FANCD2: variants seen among roughly 807,000 people sequenced by gnomAD.
FANCD2 encodes the protein FA complementation group D2.
A neutral mutation model predicts 192.3 loss-of-function variants in FANCD2; 131 were observed. The ratio of observed to expected loss-of-function variants is 0.68; its 90% CI spans 0.59 to 0.79. The LOEUF (loss-of-function observed/expected upper bound fraction) is 0.79, where lower values mean the gene tolerates loss of function less well. Ranked by LOEUF, FANCD2 falls within the 30% of genes least tolerant of loss-of-function variation. FANCD2 has a pLI of 0.00. For missense variants in FANCD2, 1,508 were observed against 1,701.6 expected, an observed-to-expected ratio of 0.89 and a Z score of 2.00; for synonymous variants, 524 against 612.5, an observed-to-expected ratio of 0.86 and a Z score of 2.13.
intron 17 of FANCD2, among the ~76,000 whole-genome samples, chr3:10,050,978 C>T (rs1324640396): frequency 2.0e-5 from 3 of 151,854 alleles, no homozygotes; most frequent in Non-Finnish European, 2.9e-5. Flanking sequence ...CCCAGCTACT[C>T]GGGAGGCTGA....
intron 2 of FANCD2, among the ~76,000 whole-genome samples, chr3:10,031,394 T>TG (rs1553606631): frequency 4.7e-5 from 7 of 150,134 alleles, no homozygotes; most frequent in South Asian, 2.1e-4. Context: ...TCCCAGCTAC[T>TG]GGGAGGCTGA....
At position 10,062,140 on chromosome 3, in the gene FANCD2, T is replaced by C. The variant is rs2125029476; in HGVS notation, c.1767-11T>C. 1 of 1,605,530 alleles carries C rather than the reference T, an allele frequency of 6.2e-7. No homozygotes were observed. The stretch of plus-strand genomic sequence containing the variant: ...ATAATAATAATTTAAAAAAAAATTC[T>C]TTGTTTTTAGAAGTGAATCACCTAG... On this transcript the variant is annotated splice_polypyrimidine_tract_variant and intron_variant, in intron 19 of 43. Transcript: ENST00000675286.
chr3:10,032,462 G>T (rs1055881722), intron 2 of FANCD2: 1 of 290,168 alleles, frequency 3.4e-6, no homozygotes, highest in Non-Finnish European at 6.6e-6. Context: ...TGTGTGGAGG[G>T]GGGGAATGGG....
At chr3:10,057,469 A>AT (rs2087446836) in intron 18 of FANCD2, among the ~76,000 whole-genome samples, 1 of 151,212 alleles carries the variant, frequency 6.6e-6, no homozygotes, top group African/African-American at 2.4e-5. Flanking sequence ...GGTTCAAGTG[A>AT]TTCTCCTGCC....
intron 17 of FANCD2, among the ~76,000 whole-genome samples, chr3:10,051,125 A>G (rs1207811720): frequency 2.0e-5 from 3 of 151,198 alleles, no homozygotes; most frequent in South Asian, 4.2e-4. Context: ...TCACGCCTGT[A>G]ATCCCAGCAC....
intron 37 of FANCD2, among the ~76,000 whole-genome samples, 194 bp from the exon 38 acceptor site, chr3:10,091,987 T>G (rs1422505590): frequency 6.6e-6 from 1 of 152,218 alleles, no homozygotes; most frequent in Admixed American, 6.5e-5. Context: ...TCTGTCCCTA[T>G]GAGGTGTTCT....
At chr3:10,034,253 A>T (rs761800436) in intron 3 of FANCD2, among the ~76,000 whole-genome samples, 2 of 144,100 alleles carry the variant, frequency 1.4e-5, no homozygotes, top group Admixed American at 1.5e-4. Context: ...TGAACCCAGG[A>T]GGCGGAAGTT....
intron 26 of FANCD2, among the ~76,000 whole-genome samples, chr3:10,069,926 G>A (rs1194304498): frequency 1.4e-5 from 2 of 145,172 alleles, no homozygotes; most frequent in Non-Finnish European, 3.0e-5. Flanking sequence ...GCCGCCCATC[G>A]TCTGGGATGT....
At position 10,078,179 on chromosome 3, in the gene FANCD2, G is replaced by C; in HGVS notation, c.2958G>C (p.Arg986Ser). The change falls in exon 30 of 44, where the codon AGG becomes AGC. Residue 986 changes from arginine to serine, a missense_variant. Coordinates refer to ENST00000675286, the MANE Select transcript of FANCD2 (RefSeq NM_001018115.3). ...LESMLTPPIA[R>S]RVPFLKNKGS... ...GTATGCTGACACCTCCTATTGCCAG[G>C]AGAGTCCCCTTTCTCAAGGTTAGTG... The C allele has an allele frequency of 6.2e-7, 1 of 1,609,966 alleles. No individual in the cohort carries two copies. The highest frequency in any genetic ancestry group is 8.5e-7 in the Non-Finnish European group (1 of 1,176,368).
At chr3:10,046,414 A>G (rs1457887413) in intron 14 of FANCD2, 166 bp from the exon 15 acceptor site, 22 of 1,178,486 alleles carry the variant, frequency 1.9e-5, no homozygotes, top group Middle Eastern at 5.8e-4. Flanking sequence ...TATCTGAAAA[A>G]TATTTCTGAG....
At chr3:10,040,087 T>G (rs2086828973) in intron 9 of FANCD2, 1 of 496,764 alleles carries the variant, frequency 2.0e-6, no homozygotes, top group Non-Finnish European at 3.5e-6. Flanking sequence ...CAGGCTGGAG[T>G]GCAGTGGTGC....
Position 10,087,122 on chromosome 3 carries a change from G to A in FANCD2, c.3336-12G>A. On this transcript the variant is annotated splice_polypyrimidine_tract_variant and intron_variant, in intron 33 of 43. Transcript: ENST00000675286. Reference sequence around the variant, plus strand: ...ACTATTGCATTTGTTTGTTTTTCTTGTCTCCTTACAGCCAGAGCGTCCATT... The same window carrying A: ...ACTATTGCATTTGTTTGTTTTTCTTATCTCCTTACAGCCAGAGCGTCCATT... 6.2e-7 allele frequency: 1 copy of A among 1,613,850 alleles called. No homozygotes were observed. Among genetic ancestry groups the A allele is most frequent in the Non-Finnish European group, 8.5e-7 (1 of 1,179,920 alleles).
intron 2 of FANCD2, among the ~76,000 whole-genome samples, chr3:10,030,076 C>G (rs1014699367): frequency 4.0e-5 from 6 of 149,704 alleles, no homozygotes; most frequent in African/African-American, 1.5e-4. Flanking sequence ...CTTGAGCCAC[C>G]ACGCCTGGCC....
rs138398760 is a variant in FANCD2 at position 10,093,312 on chromosome 3, G to A, written c.3877G>A (p.Val1293Ile). 7.6e-5 allele frequency: 123 copies of A among 1,613,180 alleles called. No homozygotes were observed. In the African/African-American group the frequency reaches 1.5e-3, roughly 20 times the overall value. ...KVFDSHPVLHVCLKYGRLFVE... is the reference protein window; with the variant it reads ...KVFDSHPVLHICLKYGRLFVE... ...ATTTGATAGTCATCCTGTTCTGCAT[G>A]TATGTTTGAAGGTGAGAGATTTACT... Residue 1293 changes from valine (V) to isoleucine (I), a missense_variant, in exon 39 of 44, where the codon GTA becomes ATA. Val to Ile is a conservative substitution (Grantham distance 29). Coordinates refer to ENST00000675286, the MANE Select transcript of FANCD2 (RefSeq NM_001018115.3).
intron 39 of FANCD2, among the ~76,000 whole-genome samples, 167 bp from the exon 40 acceptor site, chr3:10,094,122 T>C (rs1304771075): frequency 1.3e-5 from 2 of 152,232 alleles, no homozygotes; most frequent in Non-Finnish European, 2.9e-5. Context: ...ATTTGATTTT[T>C]GTATTAAGTT....
intron 18 of FANCD2, among the ~76,000 whole-genome samples, chr3:10,053,814 C>G (rs1169064854): frequency 6.6e-6 from 1 of 152,122 alleles, no homozygotes; most frequent in Admixed American, 6.5e-5. Flanking sequence ...CTGTGATCAG[C>G]TAACCATGAA....
At chr3:10,066,788 A>T (rs1186051419) in intron 25 of FANCD2, among the ~76,000 whole-genome samples, 6 of 152,098 alleles carry the variant, frequency 3.9e-5, no homozygotes, top group Non-Finnish European at 7.4e-5. Flanking sequence ...GCGGTGGCTC[A>T]ATCTCGGCTC....
intron 22 of FANCD2, 40 bp from the exon 23 acceptor site, chr3:10,064,689 T>C (rs1451728781): frequency 6.2e-7 from 1 of 1,611,604 alleles, no homozygotes; most frequent in African/African-American, 1.3e-5. Flanking sequence ...GCCTTGCGTA[T>C]TCCTGAGCTG....
At chr3:10,068,079 A>G (rs2087770031) in intron 26 of FANCD2, among the ~76,000 whole-genome samples, 1 of 152,206 alleles carries the variant, frequency 6.6e-6, no homozygotes, top group South Asian at 2.1e-4. Context: ...TGAACAAGAC[A>G]AGGATACCCA....
Sources: gnomAD v4.1 joint callset for allele counts (sites outside exome capture counted in the v4.1 genomes callset) on GRCh38, gnomAD v4.1.1 for gene constraint, MANE v1.5 for transcripts, NCBI Gene and HGNC (gene_info 2026-07-23, HGNC 2026-07-21) for gene names.